Variants in ZNF695 observed in about 807,000 individuals in gnomAD.
ZNF695 encodes the protein zinc finger protein SBZF3.
A neutral mutation model predicts 11.2 loss-of-function variants in ZNF695; 11 were observed. The observed-to-expected ratio is 0.98, with a 90% CI of 0.62 to 1.62. ZNF695 has a LOEUF of 1.62. Among genes scored for constraint, ZNF695 ranks in the 40% most tolerant of loss-of-function variants. The probability of loss-of-function intolerance (pLI) is 0.00; values close to 1 mark genes in which losing one functional copy is unlikely to be tolerated. For synonymous variants in ZNF695, 190 were observed against 201.4 expected (o/e 0.94, Z 0.48); for missense variants, 559 against 590.5 (o/e 0.95, Z 0.55).
intron 4 of ZNF695, among the ~76,000 whole-genome samples, chr1:246,974,169 AAC>A (rs1668501276): frequency 4.6e-5 from 7 of 151,994 alleles, no homozygotes; most frequent in Non-Finnish European, 1.0e-4. Flanking sequence ...AACAAAAAAA[AAC>A]AAACAAAAAA....
chr1:246,946,106 G>A (rs2818886), intron 5 of ZNF695, among the ~76,000 whole-genome samples: 78,716 of 151,884 alleles, frequency 0.52, 20,554 homozygotes, highest in Middle Eastern at 0.6. Flanking sequence ...TCTTTCCCCA[G>A]AAGGATGTGC....
intron 5 of ZNF695, among the ~76,000 whole-genome samples, chr1:246,961,422 A>G (rs942456738): frequency 5.3e-5 from 8 of 152,294 alleles, no homozygotes; most frequent in Non-Finnish European, 1.2e-4. Flanking sequence ...CTGTTCTTAA[A>G]TCCTAAGCCC....
chr1:246,965,447 G>A (rs1161276982), intron 5 of ZNF695, among the ~76,000 whole-genome samples: 1 of 151,678 alleles, frequency 6.6e-6, no homozygotes, highest in East Asian at 1.9e-4. Context: ...TCAAGATTCT[G>A]CAGAGTTGGC....
At chr1:246,948,396 A>G (rs1667791320) in intron 5 of ZNF695, among the ~76,000 whole-genome samples, 1 of 152,068 alleles carries the variant, frequency 6.6e-6, no homozygotes, top group Non-Finnish European at 1.5e-5. Context: ...TTCTAAGCCA[A>G]TGCCACTCCA....
chr1:246,965,356 CAAAAA>C (rs576946423), intron 5 of ZNF695, among the ~76,000 whole-genome samples: 3 of 67,470 alleles, frequency 4.4e-5, no homozygotes, highest in Non-Finnish European at 3.3e-5. Context: ...GACTCTGTCT[CAAAAA>C]AAAAAAAAAA....
At chr1:246,952,549 CTTTTTT>C (rs11326820) in intron 5 of ZNF695, among the ~76,000 whole-genome samples, 1 of 137,372 alleles carries the variant, frequency 7.3e-6, no homozygotes. Context: ...TCTTCTTCTT[CTTTTTT>C]TTTTTTTTTG....
chr1:246,959,928 C>T (rs569383277), intron 5 of ZNF695, among the ~76,000 whole-genome samples: 25 of 152,282 alleles, frequency 1.6e-4, no homozygotes, highest in African/African-American at 5.5e-4. Flanking sequence ...CCATTAGTTC[C>T]GTAGCAATGT....
At chr1:246,991,413 AAAC>A (rs1199739180) in intron 3 of ZNF695, among the ~76,000 whole-genome samples, 1 of 152,226 alleles carries the variant, frequency 6.6e-6, no homozygotes, top group Admixed American at 6.5e-5. Context: ...TAAGGAGCTC[AAAC>A]AACTCTATAG....
intron 5 of ZNF695, among the ~76,000 whole-genome samples, chr1:246,956,421 G>T (rs1668003431): frequency 2.0e-5 from 3 of 149,664 alleles, no homozygotes; most frequent in Non-Finnish European, 4.4e-5. Flanking sequence ...TTTGAGACCA[G>T]CCTGGCCAAC....
intron 4 of ZNF695, among the ~76,000 whole-genome samples, chr1:246,975,507 A>C (rs1668534899): frequency 6.6e-6 from 1 of 152,232 alleles, no homozygotes; most frequent in South Asian, 2.1e-4. Flanking sequence ...AGATTTTAAC[A>C]ATTACAATGC....
chr1:246,948,998 T>G (rs1667806368), intron 5 of ZNF695, among the ~76,000 whole-genome samples: 1 of 152,178 alleles, frequency 6.6e-6, no homozygotes, highest in South Asian at 2.1e-4. Flanking sequence ...GAATATTAGT[T>G]TCCTTTTTTG....
intron 5 of ZNF695, chr1:246,945,923 C>A: frequency 6.8e-7 from 1 of 1,462,926 alleles, no homozygotes; most frequent in Non-Finnish European, 9.3e-7. Context: ...TGATTGAAGA[C>A]TTGGTTCCAT....
intron 4 of ZNF695, chr1:246,979,756 T>C (rs975857883): frequency 1.3e-5 from 2 of 152,724 alleles, no homozygotes; most frequent in Non-Finnish European, 2.9e-5. Flanking sequence ...TAAAATGAAT[T>C]ATCCCCATTA....
chr1:246,981,884 T>G (rs1048176038), downstream of ZNF695, among the ~76,000 whole-genome samples: 1 of 152,182 alleles, frequency 6.6e-6, no homozygotes, highest in Non-Finnish European at 1.5e-5. Context: ...GCTAGGTGAT[T>G]AAGAATGAAG....
At chr1:246,973,311 A>G (rs1668477066) in intron 4 of ZNF695, among the ~76,000 whole-genome samples, 1 of 152,196 alleles carries the variant, frequency 6.6e-6, no homozygotes, top group East Asian at 1.9e-4. Context: ...AACCTCCCAA[A>G]GTGTTGGGAT....
chr1:246,962,409 C>T (rs1181415469), intron 5 of ZNF695, among the ~76,000 whole-genome samples: 1 of 152,248 alleles, frequency 6.6e-6, no homozygotes, highest in Non-Finnish European at 1.5e-5. Context: ...GTCCTAGCCT[C>T]TTGCTCTGCC....
At chr1:246,949,339 C>CCCA (rs1432017253) in intron 5 of ZNF695, among the ~76,000 whole-genome samples, 6 of 152,110 alleles carry the variant, frequency 3.9e-5, no homozygotes, top group African/African-American at 1.4e-4. Context: ...AGTTGTAACC[C>CCCA]CCACACTTTG....
chr1:246,981,167 A>C (rs1668701053), downstream of ZNF695, among the ~76,000 whole-genome samples: 1 of 152,260 alleles, frequency 6.6e-6, no homozygotes, highest in Admixed American at 6.5e-5. Flanking sequence ...GGCAAATCAG[A>C]ACTGCTATGA....
At chr1:246,968,793 T>C (rs966690911) in intron 4 of ZNF695, 2 of 152,378 alleles carry the variant, frequency 1.3e-5, no homozygotes, top group South Asian at 4.1e-4. Flanking sequence ...TTGTGTCTTA[T>C]ACCCTCTGGA....
Sources: gnomAD v4.1 joint callset for allele counts (sites outside exome capture counted in the v4.1 genomes callset) on GRCh38, gnomAD v4.1.1 for gene constraint, MANE v1.5 for transcripts, NCBI Gene and HGNC (gene_info 2026-07-23, HGNC 2026-07-21) for gene names.